Variants in STARD9 observed in about 807,000 individuals in gnomAD.
The protein encoded by STARD9 is StAR related lipid transfer domain containing 9, also known as stAR-related lipid transfer protein 9.
A neutral mutation model predicts 399.8 loss-of-function variants in STARD9; 346 were observed. That is an observed-to-expected ratio of 0.87 (90% confidence interval 0.79 to 0.95). The LOEUF is 0.95. Ranked by LOEUF, STARD9 falls within the 40% of genes least tolerant of loss-of-function variation. The probability of loss-of-function intolerance (pLI) is 0.00; values close to 1 mark genes in which losing one functional copy is unlikely to be tolerated. For synonymous variants in STARD9, 2,203 were observed against 2,143.5 expected (o/e 1.03, Z -0.77); for missense variants, 5,832 against 5,667.5 (o/e 1.03, Z -0.93).
chr15:42,583,821 C>T (rs994517756), intron 2 of STARD9, among the ~76,000 whole-genome samples: 18 of 152,060 alleles, frequency 1.2e-4, no homozygotes, highest in African/African-American at 4.4e-4. Context: ...CATTATTAGG[C>T]ATTGTAGTAT....
rs938046 is a variant in STARD9, at chr15:42,718,166, C to T, written c.13749C>T (p.Asn4583=). 9,817 of 1,536,842 alleles carry T rather than the reference C, an allele frequency of 6.4e-3. 236 individuals are homozygous for T. The East Asian group carries it at 0.078, about 12-fold the overall frequency. ...CAAGGCTGCATCAGCGAGTGACCAA[C>T]AGCATCAGCCTGGGTGAGCCCAGGG... The part of the protein sequence containing the change: ...QTARLHQRVT[N]SISLVYLVCN... The change falls in exon 30 of 33, where the codon AAC becomes AAT. Residue 4583 remains asparagine (N), a synonymous_variant. Coordinates refer to ENST00000290607, the MANE Select transcript of STARD9 (RefSeq NM_020759.3).
At chr15:42,682,031 G>C in intron 21 of STARD9, 73 bp from the exon 22 acceptor site, 1 of 1,001,824 alleles carries the variant, frequency 1.0e-6, no homozygotes, top group Non-Finnish European at 1.5e-6. Context: ...CATGGCTGGA[G>C]GTATCTGAGT....
Position 42,607,207 on chromosome 15 carries a change from T to TTTTTC in STARD9, c.234+21574_234+21575insCTTTT, listed in dbSNP as rs2058746943. Among the ~76,000 whole-genome samples the TTTTTC allele has an allele frequency of 1.5e-5, 2 of 129,914 alleles. 1 individual carries two copies. The highest frequency in any genetic ancestry group is 3.4e-5 in the Non-Finnish European group (2 of 59,326). 85.2% of individuals were successfully genotyped at this position (129,914 alleles called of 152,430 possible). On this transcript the variant is annotated intron_variant, in intron 3 of 32. Transcript: ENST00000290607. ...ATTTTTCTGGTGCTTTTTTTTTTTTTTTTTTTTTTTTTTAAGATGGAGTCT... is the reference window on the plus strand; with the variant it reads ...ATTTTTCTGGTGCTTTTTTTTTTTTTTTTTCTTTTTTTTTTTTTAAGATGGAGTCT...
chr15:42,685,985 T>G lies in STARD9; in HGVS notation c.4407T>G (p.Ser1469=). 1 of 1,537,292 alleles carries G rather than the reference T, an allele frequency of 6.5e-7. No homozygotes were observed. The highest frequency in any genetic ancestry group is 8.7e-7 in the Non-Finnish European group (1 of 1,146,920). The change falls in exon 23 of 33, where the codon TCT becomes TCG. Residue 1469 remains serine, a synonymous_variant. Transcript: ENST00000290607. ...NSSVSNVLAA[S]ATTLTHVGST... is the part of the protein sequence containing the mutation. ...GCGTATCAAACGTGCTGGCTGCCTCTGCCACCACCTTGACTCATGTAGGCA... is the reference window on the plus strand; with the variant it reads ...GCGTATCAAACGTGCTGGCTGCCTCGGCCACCACCTTGACTCATGTAGGCA...
In STARD9 at chr15:42,682,527, C is replaced by A; in HGVS notation, c.2489C>A (p.Ser830Tyr). 2.6e-6 allele frequency: 4 copies of A among 1,537,226 alleles called. No homozygotes were observed. The highest frequency in any genetic ancestry group is 3.5e-6 in the Non-Finnish European group (4 of 1,146,906). ...PCRSKLTSCS[S>Y]LSPQRLCSKH... ...AGAAGCAAATTGACGAGTTGCAGTTCTTTGAGCCCCCAAAGACTCTGCAGC... is the reference window on the plus strand; with the variant it reads ...AGAAGCAAATTGACGAGTTGCAGTTATTTGAGCCCCCAAAGACTCTGCAGC... Residue 830 changes from serine (S) to tyrosine (Y), a missense_variant, in exon 22 of 33, where the codon TCT becomes TAT. Physicochemically the swap from Ser to Tyr is moderately radical, Grantham distance 144 (BLOSUM62 -2). Coordinates refer to ENST00000290607, the MANE Select transcript of STARD9 (RefSeq NM_020759.3).
At position 42,685,075 on chromosome 15, in the gene STARD9, A is replaced by G. The variant is rs545323479; in HGVS notation, c.3497A>G (p.Asn1166Ser). 41 of 1,537,192 alleles carry G rather than the reference A, an allele frequency of 2.7e-5. No homozygotes were observed. In the South Asian group the frequency reaches 4.2e-4, roughly 16 times the overall value. The change falls in exon 23 of 33, where the codon AAT (asparagine) becomes AGT (serine). Residue 1166 changes from asparagine to serine, a missense_variant. Transcript: ENST00000290607. Reference sequence around the variant, plus strand: ...AGCCCCAAAAACAGGCTAGGGGGCAATCGTCCCACCAACAACCGTGGCCAA... The same window carrying G: ...AGCCCCAAAAACAGGCTAGGGGGCAGTCGTCCCACCAACAACCGTGGCCAA... Reference protein sequence around the residue: ...YQSPKNRLGGNRPTNNRGQPR... With the variant: ...YQSPKNRLGGSRPTNNRGQPR...
chr15:42,631,818 A>AT (rs35400362), intron 3 of STARD9, among the ~76,000 whole-genome samples: 3 of 149,774 alleles, frequency 2.0e-5, no homozygotes, highest in Non-Finnish European at 4.5e-5. Context: ...TTTCAGGAAG[A>AT]TTTTTTTTTT....
rs1447124347 is a variant in STARD9, at chr15:42,695,297, CAGA to C, written c.13124_13126del (p.Lys4375del). 6.5e-7 allele frequency: 1 copy of C among 1,535,814 alleles called. No individual in the cohort carries two copies. Among genetic ancestry groups the C allele is most frequent in the Non-Finnish European group, 8.7e-7 (1 of 1,145,964 alleles). On this transcript the variant is annotated inframe_deletion, in exon 25 of 33. Transcript: ENST00000290607. ...TGAACAAGAGAAGCTGAGAATCCAC[CAGA>C]AGATCATTTCCCAGCTATTGAAGGT...
At chr15:42,647,269 T>C (rs2059664313) in intron 7 of STARD9, among the ~76,000 whole-genome samples, 1 of 152,240 alleles carries the variant, frequency 6.6e-6, no homozygotes, top group Non-Finnish European at 1.5e-5. Flanking sequence ...TGATACTTGT[T>C]CAAATCTTCT....
At chr15:42,593,654 C>CT (rs71108170) in intron 3 of STARD9, among the ~76,000 whole-genome samples, 30,600 of 66,942 alleles carry the variant, frequency 0.46, 12,440 homozygotes, top group Non-Finnish European at 0.6. Flanking sequence ...GGTTGTGCTT[C>CT]TTTTTTTTTT....
At chr15:42,651,121 C>G (rs1271043442) in intron 8 of STARD9, 36 bp downstream of exon 8, 1 of 1,395,676 alleles carries the variant, frequency 7.2e-7, no homozygotes, top group Non-Finnish European at 9.8e-7. Flanking sequence ...TTCTTTTATC[C>G]TCACACTCCT....
At position 42,693,522 on chromosome 15, in the gene STARD9, C is replaced by T; in HGVS notation, c.11944C>T (p.Pro3982Ser). The stretch of plus-strand genomic sequence containing the variant: ...GAGATCCTTCCTTGAGTTGCACTCC[C>T]CACACAGCCCACAGCAGAGTCCAAA... ...NGRSFLELHS[P>S]HSPQQSPKLQ... The change falls in exon 23 of 33, where the codon CCA becomes TCA. Residue 3982 changes from proline to serine, a missense_variant. By Grantham distance (74) the Pro-to-Ser change is moderately conservative. Coordinates refer to ENST00000290607, the MANE Select transcript of STARD9 (RefSeq NM_020759.3). The T allele has an allele frequency of 6.5e-7, 1 of 1,537,262 alleles. No homozygotes were observed. Among genetic ancestry groups the T allele is most frequent in the Non-Finnish European group, 8.7e-7 (1 of 1,146,924 alleles).
chr15:42,678,319 A>ATTCCT (rs1161121070), intron 20 of STARD9, among the ~76,000 whole-genome samples: 1 of 152,174 alleles, frequency 6.6e-6, no homozygotes, highest in Non-Finnish European at 1.5e-5. Flanking sequence ...GCCTCCCTTT[A>ATTCCT]TTCCAGGTTT....
intron 1 of STARD9, 76 bp from the exon 2 acceptor site, chr15:42,583,270 C>T: frequency 6.4e-6 from 7 of 1,090,506 alleles, no homozygotes; most frequent in East Asian, 2.6e-5. Context: ...TATTTTGTCC[C>T]ACTAGCACTG....
chr15:42,665,752 G>C (rs1012455646), intron 14 of STARD9, 34 bp from the exon 15 acceptor site: 4 of 1,532,880 alleles, frequency 2.6e-6, no homozygotes, highest in African/African-American at 2.7e-5. Context: ...TTCAGACCAG[G>C]AAAATATCAA....
intron 4 of STARD9, among the ~76,000 whole-genome samples, chr15:42,636,789 G>C (rs1342180463): frequency 1.3e-5 from 2 of 151,950 alleles, no homozygotes. Context: ...ATTGGGGCTG[G>C]GCATGTTGGC....
At chr15:42,591,165 CA>C in intron 3 of STARD9, among the ~76,000 whole-genome samples, 1 of 152,222 alleles carries the variant, frequency 6.6e-6, no homozygotes, top group South Asian at 2.1e-4. Flanking sequence ...CACTTGATGC[CA>C]GTAGCAATCC....
At chr15:42,615,925 A>T (rs1029707649) in intron 3 of STARD9, among the ~76,000 whole-genome samples, 1 of 152,332 alleles carries the variant, frequency 6.6e-6, no homozygotes, top group South Asian at 2.1e-4. Flanking sequence ...TAAAAATAAA[A>T]CAAAGACCAC....
intron 3 of STARD9, among the ~76,000 whole-genome samples, chr15:42,602,641 TGCAGAAG>T (rs1321457669): frequency 6.6e-6 from 1 of 152,194 alleles, no homozygotes; most frequent in Non-Finnish European, 1.5e-5. Flanking sequence ...TCTGATTGGT[TGCAGAAG>T]GCAGTCAACC....
Sources: allele counts gnomAD v4.1 joint callset (sites outside exome capture counted in the v4.1 genomes callset), GRCh38; gene constraint gnomAD v4.1.1; transcripts MANE v1.5; gene names NCBI Gene and HGNC (gene_info 2026-07-23, HGNC 2026-07-21).